P2RX6: variants seen among roughly 807,000 people sequenced by gnomAD.
The protein encoded by P2RX6 is P2X purinoceptor 6.
Under a neutral mutation model 54.2 loss-of-function variants are expected in P2RX6, and 62 were observed. That is an observed-to-expected ratio of 1.14 (90% confidence interval 0.93 to 1.41). The LOEUF (loss-of-function observed/expected upper bound fraction) is 1.41. Among genes scored for constraint, P2RX6 ranks in the 40% most tolerant of loss-of-function variants. The pLI is 0.00. For missense variants in P2RX6, 541 were observed against 566.3 expected (o/e 0.96, Z 0.45); for synonymous variants, 211 against 231.9 (o/e 0.91, Z 0.82).
rs1248908705 is a variant in P2RX6, at chr22:21,015,961, A to G, written c.184A>G (p.Lys62Glu). 2 of 1,549,670 alleles carry G rather than the reference A, an allele frequency of 1.3e-6. No homozygotes were observed. The highest frequency in any genetic ancestry group is 1.7e-6 in the Non-Finnish European group (2 of 1,146,980). The change falls in exon 2 of 12, where the codon AAA becomes GAA. Residue 62 changes from lysine (K) to glutamate (E), a missense_variant. By Grantham distance (56) the Lys-to-Glu change is moderately conservative. This residue lies in a region of P2RX6 where 526 missense variants were observed against 531.5 expected (regional missense o/e 0.99). Transcript: ENST00000413302. ...CCCCAGGTGGGCTCTCCTCGCCAAAAAAGGCTACCAGGAGCGGGACCTGGA... is the reference window on the plus strand; with the variant it reads ...CCCCAGGTGGGCTCTCCTCGCCAAAGAAGGCTACCAGGAGCGGGACCTGGA... ...YVVGWALLAKKGYQERDLEPQ... is the reference protein window; with the variant it reads ...YVVGWALLAKEGYQERDLEPQ...
chr22:21,018,942 A>G (rs1926899748), intron 3 of P2RX6, among the ~76,000 whole-genome samples: 1 of 152,042 alleles, frequency 6.6e-6, no homozygotes, highest in Non-Finnish European at 1.5e-5. Context: ...TAGTTTTTAC[A>G]TCAACCGTGG....
chr22:21,016,208 C>T (rs1189452997), intron 2 of P2RX6, 116 bp downstream of exon 2: 15 of 1,109,120 alleles, frequency 1.4e-5, no homozygotes, highest in South Asian at 1.6e-5. Context: ...GAGACGGCTG[C>T]GGGTTCTCAG....
chr22:21,020,462 A>G (rs990191419), intron 3 of P2RX6, among the ~76,000 whole-genome samples: 3 of 152,124 alleles, frequency 2.0e-5, no homozygotes, highest in Non-Finnish European at 2.9e-5. Flanking sequence ...TAAATTCACA[A>G]AACTCCATCT....
intron 8 of P2RX6, 123 bp downstream of exon 8, chr22:21,023,741 C>G (rs1398101655): frequency 1.4e-6 from 1 of 698,726 alleles, no homozygotes; most frequent in Non-Finnish European, 2.5e-6. Flanking sequence ...AAGGGGGTCC[C>G]AGGAGCAGGA....
chr22:21,016,855 T>C (rs1926490661), intron 2 of P2RX6, among the ~76,000 whole-genome samples: 1 of 152,034 alleles, frequency 6.6e-6, no homozygotes, highest in Admixed American at 6.5e-5. Context: ...ATGCCCAGGG[T>C]GTATTCCCAG....
At position 21,016,011 on chromosome 22, in the gene P2RX6, A is replaced by C; in HGVS notation, c.234A>C (p.Lys78Asn). 6.4e-7 allele frequency: 1 copy of C among 1,552,224 alleles called. No individual in the cohort carries two copies. The highest frequency in any genetic ancestry group is 8.7e-7 in the Non-Finnish European group (1 of 1,148,384). Residue 78 changes from lysine to asparagine, a missense_variant, in exon 2 of 12, where the codon AAA becomes AAC. By Grantham distance (94) the Lys-to-Asn change is moderately conservative (BLOSUM62 0). Around this residue, in one of 2 missense-constraint regions of P2RX6, gnomAD observed 526 missense variants for 531.5 expected, o/e 0.99. Coordinates refer to ENST00000413302, the MANE Select transcript of P2RX6 (RefSeq NM_005446.5). ...AACCCCAGTTTTCCATCATCACCAAACTCAAAGGGGTTTCCGTCACTCAGA... is the reference window on the plus strand; with the variant it reads ...AACCCCAGTTTTCCATCATCACCAACCTCAAAGGGGTTTCCGTCACTCAGA... The part of the protein sequence containing the change: ...DLEPQFSIIT[K>N]LKGVSVTQIK...
chr22:21,015,436 T>C (rs917609641), intron 1 of P2RX6, 98 bp downstream of exon 1: 76 of 1,336,690 alleles, frequency 5.7e-5, no homozygotes, highest in Non-Finnish European at 7.4e-5. Flanking sequence ...TTGGGCTGTT[T>C]AGGGGCTGGA....
At position 21,017,983 on chromosome 22, in the gene P2RX6, T is replaced by A. The variant is rs1926718435; in HGVS notation, c.316-6T>A. On this transcript the variant is annotated splice_region_variant and splice_polypyrimidine_tract_variant and intron_variant, in intron 2 of 11. Transcript: ENST00000413302. ...AGCCAGGCCAACCTTGAGACTTGCCTCCTAGGGAGAGAACGTGTTCTTCTT... is the reference window on the plus strand; with the variant it reads ...AGCCAGGCCAACCTTGAGACTTGCCACCTAGGGAGAGAACGTGTTCTTCTT... 3.7e-6 allele frequency: 6 copies of A among 1,607,894 alleles called. No individual in the cohort carries two copies. The highest frequency in any genetic ancestry group is 5.1e-6 in the Non-Finnish European group (6 of 1,175,096).
At chr22:21,017,703 T>C (rs1672216023) in intron 2 of P2RX6, among the ~76,000 whole-genome samples, 1 of 152,070 alleles carries the variant, frequency 6.6e-6, no homozygotes, top group African/African-American at 2.4e-5. Flanking sequence ...TGACGAAGTG[T>C]AATCCTGTCT....
chr22:21,026,656 C>T lies in P2RX6; in HGVS notation c.*39C>T, dbSNP rs564048133. On this transcript the variant is annotated 3_prime_UTR_variant, in exon 12 of 12. Transcript: ENST00000413302. The surrounding 1 kb of genome is among the most constrained non-coding windows in gnomAD (Gnocchi z 4.0). ...GTTGAGAGTTGGGGGCTGGGAAGGGCGGGGCCCTGCCTGGGGATCTCAAGG... is the reference window on the plus strand; with the variant it reads ...GTTGAGAGTTGGGGGCTGGGAAGGGTGGGGCCCTGCCTGGGGATCTCAAGG... The T allele has an allele frequency of 2.2e-5, 33 of 1,485,932 alleles. No homozygotes were observed. In the East Asian group the frequency reaches 5.1e-4, roughly 23 times the overall value. 92.0% of individuals were successfully genotyped at this position (1,485,932 alleles called of 1,614,324 possible). A position where few individuals can be genotyped will look rare whatever the true frequency, so the allele number is the denominator to read the frequency against.
chr22:21,012,334 T>C (rs1223801334), upstream of P2RX6, among the ~76,000 whole-genome samples: 1 of 152,158 alleles, frequency 6.6e-6, no homozygotes, highest in South Asian at 2.1e-4. Context: ...AAGGGACTTG[T>C]ATCCAGCATC....
At chr22:21,012,254 G>A (rs1447354022), upstream of P2RX6, among the ~76,000 whole-genome samples, 2 of 152,080 alleles carry the variant, frequency 1.3e-5, no homozygotes, top group Admixed American at 6.5e-5. Context: ...AGTCTCCCAT[G>A]TGCAGGGCAG....
intron 1 of P2RX6, 48 bp from the exon 2 acceptor site, chr22:21,015,894 T>A: frequency 6.5e-7 from 1 of 1,537,914 alleles, no homozygotes; most frequent in Non-Finnish European, 8.8e-7. Flanking sequence ...TCCGCCCCTG[T>A]CACTACACGC....
Position 21,016,107 on chromosome 22 carries a change from G to A in P2RX6, c.315+15G>A. The A allele has an allele frequency of 3.2e-6, 5 of 1,556,454 alleles. No homozygotes were observed. The highest frequency in any genetic ancestry group is 3.5e-6 in the Non-Finnish European group (4 of 1,150,732). ...AGCCACCTCAGGTGGGGGCCCTGAT[G>A]TTGCTGACGGGGGCGCAAGTCCTTT... is the stretch of plus-strand genomic sequence containing the variant. On this transcript the variant is annotated intron_variant, in intron 2 of 11. Coordinates refer to ENST00000413302, the MANE Select transcript of P2RX6 (RefSeq NM_005446.5).
chr22:21,023,690 C>A, intron 8 of P2RX6, 72 bp downstream of exon 8: 1 of 1,093,932 alleles, frequency 9.1e-7, no homozygotes, highest in Non-Finnish European at 1.4e-6. Context: ...CAGGACAGAC[C>A]ACACCCAGGC....
At position 21,026,214 on chromosome 22, in the gene P2RX6, T is replaced by G; in HGVS notation, c.1051-38T>G. ...CTGGGGAGGTGGCAGGAGAGCAGGC[T>G]CGGGGGCTGGAACATGGGTTGGCCC... is the stretch of plus-strand genomic sequence containing the variant. On this transcript the variant is annotated intron_variant, in intron 10 of 11. Coordinates refer to ENST00000413302, the MANE Select transcript of P2RX6 (RefSeq NM_005446.5). This position sits in a 1 kb window ranked among gnomAD's most constrained non-coding sequence, Gnocchi z 4.0. 1 of 1,560,916 alleles carries G rather than the reference T, an allele frequency of 6.4e-7. No individual in the cohort carries two copies. The highest frequency in any genetic ancestry group is 8.7e-7 in the Non-Finnish European group (1 of 1,151,840).
At chr22:21,017,966 C>T (rs748986523) in intron 2 of P2RX6, 23 bp from the exon 3 acceptor site, 41 of 1,569,302 alleles carry the variant, frequency 2.6e-5, no homozygotes, top group Non-Finnish European at 3.2e-5. Flanking sequence ...CCAGCCAGGC[C>T]AACCTTGAGA....
At chr22:21,024,291 T>C (rs1223383634) in intron 8 of P2RX6, among the ~76,000 whole-genome samples, 1 of 151,236 alleles carries the variant, frequency 6.6e-6, no homozygotes, top group Non-Finnish European at 1.5e-5. Flanking sequence ...TTTTTTTTTT[T>C]TTTTGAGATG....
chr22:21,017,927 G>A (rs772230033), intron 2 of P2RX6, 62 bp from the exon 3 acceptor site: 43 of 1,059,712 alleles, frequency 4.1e-5, no homozygotes, highest in Admixed American at 9.3e-5. Context: ...CCAGGCTGCC[G>A]GCTTCCGGCC....
Sources: allele counts gnomAD v4.1 joint callset (sites outside exome capture counted in the v4.1 genomes callset), GRCh38; gene constraint gnomAD v4.1.1; regional missense constraint gnomAD v4.1.1; non-coding constraint Gnocchi (gnomAD v3.1); transcripts MANE v1.5; gene names NCBI Gene and HGNC (gene_info 2026-07-23, HGNC 2026-07-21).